Variants in BLOC1S2 observed in about 807,000 individuals in gnomAD.
BLOC1S2 encodes biogenesis of lysosome-related organelles complex 1 subunit 2.
BLOC1S2 carries 12 observed loss-of-function variants against 19.6 expected under a neutral mutation model. The ratio of observed to expected loss-of-function variants is 0.61; its 90% confidence interval spans 0.39 to 0.99. The LOEUF (loss-of-function observed/expected upper bound fraction) is 0.99. Ranked by LOEUF, BLOC1S2 falls within the 50% of genes least tolerant of loss-of-function variation. The pLI is 0.00. For synonymous variants in BLOC1S2, 66 were observed against 64.1 expected (o/e 1.03, Z -0.14); for missense variants, 142 against 171.0 (o/e 0.83, Z 0.95).
Position 100,274,835 on chromosome 10 carries a change from A to G in BLOC1S2, c.*627T>C. ...GCATGTCAATGTGACTCACATAGAA[A>G]ATAAACAAGAGGGGCCCATCACATA... On this transcript the variant is annotated 3_prime_UTR_variant, in exon 5 of 5. Coordinates refer to ENST00000370372, the MANE Select transcript of BLOC1S2 (RefSeq NM_173809.5). 1 of 397,274 alleles carries G rather than the reference A, an allele frequency of 2.5e-6. No individual in the cohort carries two copies. 24.6% of individuals were successfully genotyped at this position (397,274 alleles called of 1,614,324 possible). A position where few individuals can be genotyped will look rare whatever the true frequency, so the allele number is the denominator to read the frequency against.
intron 4 of BLOC1S2, among the ~76,000 whole-genome samples, chr10:100,277,862 G>A (rs867526212): frequency 5.0e-4 from 59 of 117,986 alleles, no homozygotes; most frequent in African/African-American, 1.6e-3. Flanking sequence ...CCGGCCAGCC[G>A]CCCCGTCCGG....
chr10:100,280,111 T>TA lies in BLOC1S2; in HGVS notation c.397+12dup, dbSNP rs1467638588. 1 of 1,602,048 alleles carries TA rather than the reference T, an allele frequency of 6.2e-7. No homozygotes were observed. Among genetic ancestry groups the TA allele is most frequent in the Non-Finnish European group, 8.5e-7 (1 of 1,170,136 alleles). On this transcript the variant is annotated intron_variant, in intron 4 of 4. Coordinates refer to ENST00000370372, the MANE Select transcript of BLOC1S2 (RefSeq NM_173809.5). Reference sequence around the variant, plus strand: ...AGTCTTTATTACATCAAAACAGAAGTAAAAACGGTTACCCAGTTTTTTTGA... The same window carrying TA: ...AGTCTTTATTACATCAAAACAGAAGTAAAAAACGGTTACCCAGTTTTTTTGA...
rs368393430 is a variant in BLOC1S2 at position 100,275,392 on chromosome 10, A to G, written c.*70T>C. On this transcript the variant is annotated 3_prime_UTR_variant, in exon 5 of 5. Transcript: ENST00000370372. ...GGAATTTTCACAATTCATCAGCCTC[A>G]GGATTCAGGTTTTATAAGACATTCT... 163 of 1,452,516 alleles carry G rather than the reference A, an allele frequency of 1.1e-4. No homozygotes were observed. In the East Asian group the frequency reaches 2.7e-3, roughly 24 times the overall value. 90.0% of individuals were successfully genotyped at this position (1,452,516 alleles called of 1,614,324 possible). A position where few individuals can be genotyped will look rare whatever the true frequency, so the allele number is the denominator to read the frequency against.
chr10:100,286,035 C>G, intron 2 of BLOC1S2, 62 bp downstream of exon 2: 1 of 1,590,420 alleles, frequency 6.3e-7, no homozygotes, highest in South Asian at 1.1e-5. Context: ...ACTGATGCTG[C>G]TAACCATCTC....
intron 2 of BLOC1S2, 115 bp downstream of exon 2, chr10:100,285,982 A>G (rs949575210): frequency 2.1e-6 from 3 of 1,400,820 alleles, no homozygotes; most frequent in Non-Finnish European, 1.9e-6. Context: ...CCAACTTCCA[A>G]CAGGCCTGTC....
chr10:100,280,273 C>T, intron 3 of BLOC1S2, 45 bp from the exon 4 acceptor site: 1 of 1,505,520 alleles, frequency 6.6e-7, no homozygotes, highest in African/African-American at 1.4e-5. Context: ...GCTTTATTAA[C>T]AAAGAATATA....
chr10:100,277,392 G>T (rs78431736), intron 4 of BLOC1S2, among the ~76,000 whole-genome samples: 9,372 of 143,660 alleles, frequency 0.065, 40 homozygotes, highest in African/African-American at 0.12. Context: ...GCCTCTGCCC[G>T]GCCGCCCCTA....
intron 4 of BLOC1S2, among the ~76,000 whole-genome samples, chr10:100,278,736 C>T (rs1848016944): frequency 6.6e-6 from 1 of 152,038 alleles, no homozygotes; most frequent in Non-Finnish European, 1.5e-5. Context: ...TGTTTGTCTG[C>T]TGACCTTCCC....
chr10:100,278,617 A>G (rs1292237886), intron 4 of BLOC1S2, among the ~76,000 whole-genome samples: 1 of 152,178 alleles, frequency 6.6e-6, no homozygotes, highest in South Asian at 2.1e-4. Flanking sequence ...GCTTTGTTAA[A>G]CAGATGCTTG....
intron 4 of BLOC1S2, among the ~76,000 whole-genome samples, chr10:100,278,543 G>A (rs570656510): frequency 3.5e-4 from 53 of 152,074 alleles, no homozygotes; most frequent in Non-Finnish European, 7.2e-4. Context: ...CCCCAACCCT[G>A]TGCTCTCTGA....
intron 2 of BLOC1S2, among the ~76,000 whole-genome samples, chr10:100,283,409 T>A (rs142002212): frequency 1.3e-5 from 2 of 152,270 alleles, no homozygotes; most frequent in East Asian, 3.9e-4. Context: ...CTTAAACTAC[T>A]GGCCTCAAGC....
chr10:100,273,514 G>T lies in BLOC1S2; in HGVS notation c.*1948C>A, dbSNP rs1163661902. 2 of 152,146 alleles carry T rather than the reference G, an allele frequency of 1.3e-5. No individual in the cohort carries two copies. The allele number at this position is 152,146 out of a possible 1,614,324, so 9.4% of individuals were successfully genotyped here. On this transcript the variant is annotated 3_prime_UTR_variant, in exon 5 of 5. Transcript: ENST00000370372. ...GTGGCTGAAGATAGCTGAACACAGT[G>T]TAACAGGAAATAAAAACTTTTTAAA...
intron 1 of BLOC1S2, 167 bp from the exon 2 acceptor site, chr10:100,286,380 T>A (rs930253926): frequency 6.9e-7 from 1 of 1,455,408 alleles, no homozygotes; most frequent in African/African-American, 1.4e-5. Flanking sequence ...ATCTGACACA[T>A]CAACTCGCCT....
intron 4 of BLOC1S2, among the ~76,000 whole-genome samples, chr10:100,277,993 T>C (rs11190451): frequency 0.46 from 35,560 of 77,074 alleles, 8,213 homozygotes; most frequent in African/African-American, 0.6. Context: ...CCAGCCGCCC[T>C]GTCCGGGAGG....
At chr10:100,281,577 G>A (rs915963983) in intron 2 of BLOC1S2, among the ~76,000 whole-genome samples, 2 of 151,590 alleles carry the variant, frequency 1.3e-5, no homozygotes, top group East Asian at 1.9e-4. Context: ...TCAGCTACTC[G>A]GGAGGCTGAG....
rs1443318952 is a variant in BLOC1S2, at chr10:100,281,691, A to AT, written c.173-639_173-638insA. 3.1e-4 allele frequency among the ~76,000 whole-genome samples: 26 copies of AT among 83,010 alleles called. 1 individual carries two copies. The highest frequency in any genetic ancestry group is 1.1e-3 in the African/African-American group (19 of 16,614). The allele number at this position is 83,010 out of a possible 152,430, so 54.5% of individuals were successfully genotyped here. ...GAGTGAGACTCCATCTCAAAAAAAA[A>AT]AAATATATATATATACACATACACA... On this transcript the variant is annotated intron_variant, in intron 2 of 4. Coordinates refer to ENST00000370372, the MANE Select transcript of BLOC1S2 (RefSeq NM_173809.5).
chr10:100,283,629 G>C (rs1296747644), intron 2 of BLOC1S2, among the ~76,000 whole-genome samples: 2 of 152,144 alleles, frequency 1.3e-5, no homozygotes, highest in Non-Finnish European at 2.9e-5. Flanking sequence ...CCAGCACTTT[G>C]GGAGGCCAAG....
chr10:100,281,396 T>C (rs1390656382), intron 2 of BLOC1S2, among the ~76,000 whole-genome samples: 1 of 152,098 alleles, frequency 6.6e-6, no homozygotes, highest in African/African-American at 2.4e-5. Context: ...ATAATATATA[T>C]ACTATCAGGC....
In BLOC1S2 at chr10:100,286,656, C is replaced by A. The variant is rs749437075; in HGVS notation, c.4G>T (p.Ala2Ser). 1 of 1,610,646 alleles carries A rather than the reference C, an allele frequency of 6.2e-7. No individual in the cohort carries two copies. Among genetic ancestry groups the A allele is most frequent in the African/African-American group, 1.3e-5 (1 of 74,984 alleles). MAAAAEGVLATR... is the reference protein window; with the variant it reads MSAAAEGVLATR... ...GCCAGTACGCCCTCGGCTGCCGCCG[C>A]CATAGCGGACCCCGCGCTGTTTCCG... Residue 2 changes from alanine (A) to serine (S), a missense_variant, in exon 1 of 5, where the codon GCG becomes TCG. By Grantham distance (99) the Ala-to-Ser change is moderately conservative. This residue lies in a region of BLOC1S2 where 48 missense variants were observed against 29.7 expected (regional missense o/e 1.61). Transcript: ENST00000370372.
Sources: gnomAD v4.1 joint callset for allele counts (sites outside exome capture counted in the v4.1 genomes callset) on GRCh38, gnomAD v4.1.1 for gene constraint, gnomAD v4.1.1 regional missense constraint, MANE v1.5 for transcripts, NCBI Gene and HGNC (gene_info 2026-07-23, HGNC 2026-07-21) for gene names.